The following RFX3 variants were observed in gnomAD, a reference collection of about 807,000 sequenced individuals.
RFX3 encodes transcription factor RFX3.
A neutral mutation model predicts 98.6 loss-of-function variants in RFX3; 14 were observed. The observed-to-expected ratio is 0.14, with a 90% CI of 0.09 to 0.22. The LOEUF is 0.22. Ranked by LOEUF, RFX3 falls within the 10% of genes least tolerant of loss-of-function variation. The pLI is 1.00. For missense variants in RFX3, 639 were observed against 926.9 expected (o/e 0.69, Z 4.03); for synonymous variants, 383 against 328.4 (o/e 1.17, Z -1.80).
intron 7 of RFX3, among the ~76,000 whole-genome samples, chr9:3,282,281 G>C (rs1228014174): frequency 1.3e-5 from 2 of 151,798 alleles, no homozygotes; most frequent in East Asian, 3.9e-4. Flanking sequence ...ATGTTACACT[G>C]AATATACTGA....
At chr9:3,513,048 T>G (rs1037080031) in intron 1 of RFX3, among the ~76,000 whole-genome samples, 3 of 152,232 alleles carry the variant, frequency 2.0e-5, no homozygotes, top group African/African-American at 7.2e-5. Context: ...TTTATGCTCC[T>G]TAAAACTCAA....
chr9:3,273,918 T>C (rs921483331), intron 9 of RFX3, among the ~76,000 whole-genome samples: 1 of 151,834 alleles, frequency 6.6e-6, no homozygotes, highest in African/African-American at 2.4e-5. Flanking sequence ...TAAGGTTCAC[T>C]TGAACACATG....
intron 11 of RFX3, 92 bp from the exon 12 acceptor site, chr9:3,266,397 T>A: frequency 1.4e-6 from 1 of 731,030 alleles, no homozygotes; most frequent in Non-Finnish European, 2.3e-6. Context: ...GTACACAATA[T>A]CTGATACAGC....
chr9:3,300,990 C>T (rs1828585516), intron 5 of RFX3, among the ~76,000 whole-genome samples: 1 of 151,806 alleles, frequency 6.6e-6, no homozygotes. Flanking sequence ...GACAGTCTCA[C>T]TTTTTCTTTT....
intron 9 of RFX3, among the ~76,000 whole-genome samples, chr9:3,274,457 C>T (rs938425408): frequency 1.3e-5 from 2 of 152,098 alleles, no homozygotes; most frequent in African/African-American, 2.4e-5. Context: ...TCCATTATCC[C>T]CTTTTTGCCA....
At chr9:3,336,224 G>T (rs150564057) in intron 3 of RFX3, among the ~76,000 whole-genome samples, 62 of 152,060 alleles carry the variant, frequency 4.1e-4, no homozygotes, top group African/African-American at 1.3e-3. Flanking sequence ...TTGCTTTTAG[G>T]CTACTCTGCA....
intron 1 of RFX3, among the ~76,000 whole-genome samples, chr9:3,458,059 T>A (rs1406515812): frequency 6.6e-6 from 1 of 152,098 alleles, no homozygotes; most frequent in African/African-American, 2.4e-5. Flanking sequence ...ACTGGAAGTA[T>A]CCTAGGGAAC....
chr9:3,369,972 G>T (rs904935637), intron 2 of RFX3, among the ~76,000 whole-genome samples: 1 of 149,698 alleles, frequency 6.7e-6, no homozygotes, highest in Non-Finnish European at 1.5e-5. Context: ...GGGACTACAG[G>T]CGCCCGCCAC....
intron 1 of RFX3, among the ~76,000 whole-genome samples, chr9:3,506,486 A>T (rs1464751280): frequency 2.6e-5 from 4 of 151,820 alleles, no homozygotes; most frequent in Admixed American, 6.6e-5. Flanking sequence ...GTAGTCCCCC[A>T]AAGCAAGGTT....
chr9:3,323,067 C>A (rs991622801), intron 4 of RFX3, among the ~76,000 whole-genome samples: 1 of 152,120 alleles, frequency 6.6e-6, no homozygotes, highest in African/African-American at 2.4e-5. Context: ...TTACTGCCAC[C>A]AATAGTTACA....
chr9:3,408,858 G>A (rs12341737), intron 1 of RFX3, among the ~76,000 whole-genome samples: 28,564 of 152,138 alleles, frequency 0.19, 4,563 homozygotes, highest in African/African-American at 0.44. Flanking sequence ...CCCTGGCAGA[G>A]ATGGTGATCG....
At chr9:3,430,544 T>C (rs1844563835) in intron 1 of RFX3, among the ~76,000 whole-genome samples, 1 of 152,204 alleles carries the variant, frequency 6.6e-6, no homozygotes, top group South Asian at 2.1e-4. Flanking sequence ...TGTATACTAT[T>C]GTTATCCTTT....
intron 1 of RFX3, among the ~76,000 whole-genome samples, chr9:3,493,387 T>G (rs1336851553): frequency 6.6e-6 from 1 of 151,942 alleles, no homozygotes; most frequent in African/African-American, 2.4e-5. Context: ...GATCCATTTT[T>G]AAAAAATATA....
At chr9:3,395,401 G>C in intron 2 of RFX3, 71 bp downstream of exon 2, 4 of 1,516,526 alleles carry the variant, frequency 2.6e-6, no homozygotes, top group Non-Finnish European at 3.6e-6. Context: ...AATAATTTTT[G>C]GATACAGGTA....
intron 1 of RFX3, among the ~76,000 whole-genome samples, chr9:3,518,837 C>T (rs1169823125): frequency 6.6e-6 from 1 of 152,114 alleles, no homozygotes; most frequent in African/African-American, 2.4e-5. Flanking sequence ...TTGGGATTGA[C>T]AAATCATCCC....
chr9:3,240,584 T>A (rs1002637101), intron 15 of RFX3, among the ~76,000 whole-genome samples: 1 of 152,208 alleles, frequency 6.6e-6, no homozygotes, highest in Non-Finnish European at 1.5e-5. Flanking sequence ...TTTGAAGTGC[T>A]TGTATTATCA....
intron 1 of RFX3, among the ~76,000 whole-genome samples, chr9:3,473,686 G>C (rs1178767016): frequency 6.6e-6 from 1 of 152,060 alleles, no homozygotes; most frequent in African/African-American, 2.4e-5. Context: ...CCCAACTGCT[G>C]AGCTGTATAT....
intron 6 of RFX3, among the ~76,000 whole-genome samples, chr9:3,289,865 G>T (rs1827111556): frequency 6.6e-6 from 1 of 151,916 alleles, no homozygotes; most frequent in Non-Finnish European, 1.5e-5. Flanking sequence ...AAAAGATCTG[G>T]TTCTGGTTTG....
At chr9:3,374,931 G>A (rs1488112994) in intron 2 of RFX3, among the ~76,000 whole-genome samples, 4 of 150,458 alleles carry the variant, frequency 2.7e-5, no homozygotes, top group Non-Finnish European at 5.9e-5. Flanking sequence ...CTTCAAATTA[G>A]CATTAACAAC....
Sources: allele counts gnomAD v4.1 joint callset (sites outside exome capture counted in the v4.1 genomes callset), GRCh38; gene constraint gnomAD v4.1.1; transcripts MANE v1.5; gene names NCBI Gene and HGNC (gene_info 2026-07-23, HGNC 2026-07-21).